Variants in SLC35E3 observed in about 807,000 individuals in gnomAD.
The protein encoded by SLC35E3 is solute carrier family 35 member E3.
SLC35E3 carries 28 observed loss-of-function variants against 30.8 expected under a neutral mutation model. The ratio of observed to expected loss-of-function variants is 0.91; its 90% CI spans 0.67 to 1.25. The LOEUF (loss-of-function observed/expected upper bound fraction) is 1.25, where lower values mean the gene tolerates loss of function less well. SLC35E3 is among the 50% of genes most tolerant of loss of function. The pLI, the probability that SLC35E3 is intolerant of heterozygous loss-of-function variation, is 0.00. For synonymous variants in SLC35E3, 146 were observed against 149.2 expected, an observed-to-expected ratio of 0.98 and a Z score of 0.16; for missense variants, 365 against 375.4, an observed-to-expected ratio of 0.97 and a Z score of 0.23.
chr12:68,764,685 C>G lies in SLC35E3; in HGVS notation c.756-19C>G. 7 of 1,608,870 alleles carry G rather than the reference C, an allele frequency of 4.4e-6. No individual in the cohort carries two copies. The highest frequency in any genetic ancestry group is 5.9e-6 in the Non-Finnish European group (7 of 1,176,672). On this transcript the variant is annotated intron_variant, in intron 4 of 4. Coordinates refer to ENST00000398004, the MANE Select transcript of SLC35E3 (RefSeq NM_018656.5). ...CATCTATCTTGTTATTCCTTTTTAT[C>G]CTTATCCAAAAACCTCAGCTATAAC...
intron 2 of SLC35E3, among the ~76,000 whole-genome samples, chr12:68,748,893 T>A (rs546359247): frequency 6.6e-6 from 1 of 152,220 alleles, no homozygotes. Flanking sequence ...AGTTCAGTAA[T>A]AGAGCCCTGG....
chr12:68,759,620 C>T (rs1310343645), intron 4 of SLC35E3, among the ~76,000 whole-genome samples: 1 of 151,846 alleles, frequency 6.6e-6, no homozygotes, highest in East Asian at 1.9e-4. Context: ...ACAAGAATTG[C>T]TTGAACTGGG....
In SLC35E3 at chr12:68,772,651, G is replaced by A. The variant is rs949067798; in HGVS notation, c.*7761G>A. On this transcript the variant is annotated 3_prime_UTR_variant, in exon 5 of 5. Coordinates refer to ENST00000398004, the MANE Select transcript of SLC35E3 (RefSeq NM_018656.5). ...TTTTCCATTTAACTAAAAATGTCTCGTAACTACTATGCCACAAGAACAAGC... is the reference window on the plus strand; with the variant it reads ...TTTTCCATTTAACTAAAAATGTCTCATAACTACTATGCCACAAGAACAAGC... 6.6e-6 allele frequency: 1 copy of A among 152,058 alleles called. No homozygotes were observed. The highest frequency in any genetic ancestry group is 2.4e-5 in the African/African-American group (1 of 41,402). 9.4% of individuals were successfully genotyped at this position (152,058 alleles called of 1,614,324 possible).
At chr12:68,750,276 G>A (rs1276904706) in intron 2 of SLC35E3, among the ~76,000 whole-genome samples, 1 of 152,220 alleles carries the variant, frequency 6.6e-6, no homozygotes, top group Non-Finnish European at 1.5e-5. Flanking sequence ...GATTATATAA[G>A]TAGAGATGGC....
At chr12:68,752,277 T>C in intron 3 of SLC35E3, 87 bp downstream of exon 3, 3 of 1,211,072 alleles carry the variant, frequency 2.5e-6, no homozygotes, top group Non-Finnish European at 3.5e-6. Context: ...CAGAGCACTA[T>C]GTCCGATCCA....
intron 1 of SLC35E3, among the ~76,000 whole-genome samples, chr12:68,747,245 T>C (rs890459426): frequency 4.0e-5 from 6 of 151,818 alleles, no homozygotes; most frequent in Non-Finnish European, 5.9e-5. Context: ...TAGCACTTAG[T>C]AACTTATTTA....
chr12:68,772,500 A>G lies in SLC35E3; in HGVS notation c.*7610A>G, dbSNP rs1008768022. The G allele has an allele frequency of 2.6e-5, 4 of 152,190 alleles. No homozygotes were observed. Among genetic ancestry groups the G allele is most frequent in the Non-Finnish European group, 5.9e-5 (4 of 68,038 alleles). The allele number at this position is 152,190 out of a possible 1,614,324, so 9.4% of individuals were successfully genotyped here. A position where few individuals can be genotyped will look rare whatever the true frequency, so the allele number is the denominator to read the frequency against. ...GTATCGAAGTTACTTTATACTTCAT[A>G]TGAAGTCATTAGGAGGTGAATTATT... On this transcript the variant is annotated 3_prime_UTR_variant, in exon 5 of 5. Transcript: ENST00000398004.
Position 68,780,335 on chromosome 12 carries a change from AT to A in SLC35E3, c.*15452del. 6.6e-6 allele frequency: 1 copy of A among 151,614 alleles called. No homozygotes were observed. Among genetic ancestry groups the A allele is most frequent in the Non-Finnish European group, 1.5e-5 (1 of 67,922 alleles). The allele number at this position is 151,614 out of a possible 1,614,324, so 9.4% of individuals were successfully genotyped here. On this transcript the variant is annotated 3_prime_UTR_variant, in exon 5 of 5. Coordinates refer to ENST00000398004, the MANE Select transcript of SLC35E3 (RefSeq NM_018656.5). Reference sequence around the variant, plus strand: ...AGGCATGCACCACCACACCTGGCTAATTTTTTTATATTTTGTTTGTAGAGAT... The same window carrying A: ...AGGCATGCACCACCACACCTGGCTAATTTTTTATATTTTGTTTGTAGAGAT...
rs1436733117 is a variant in SLC35E3 at position 68,767,803 on chromosome 12, A to G, written c.*2913A>G. ...GGTTCTTCTCATTTTACAAAGATATATATTTTTTGTGCTAAGGACAGAGCA... is the reference window on the plus strand; with the variant it reads ...GGTTCTTCTCATTTTACAAAGATATGTATTTTTTGTGCTAAGGACAGAGCA... On this transcript the variant is annotated 3_prime_UTR_variant, in exon 5 of 5. Transcript: ENST00000398004. 3 of 152,216 alleles carry G rather than the reference A, an allele frequency of 2.0e-5. 1 individual carries two copies. The highest frequency in any genetic ancestry group is 7.2e-5 in the African/African-American group (3 of 41,466). The allele number at this position is 152,216 out of a possible 1,614,324, so 9.4% of individuals were successfully genotyped here. A position where few individuals can be genotyped will look rare whatever the true frequency, so the allele number is the denominator to read the frequency against.
intron 4 of SLC35E3, among the ~76,000 whole-genome samples, chr12:68,761,731 G>A (rs1879238351): frequency 6.6e-6 from 1 of 152,212 alleles, no homozygotes; most frequent in Non-Finnish European, 1.5e-5. Flanking sequence ...GTGGCTACCA[G>A]TATGATAGCA....
rs1441386513 is a variant in SLC35E3, at chr12:68,779,881, G to C, written c.*14991G>C. ...GAGCCCAGGAGTTTGAGGTTATAGT[G>C]AGCCATGACTGTGCCACTGCACTCC... is the stretch of plus-strand genomic sequence containing the variant. On this transcript the variant is annotated 3_prime_UTR_variant, in exon 5 of 5. Transcript: ENST00000398004. 1 of 152,106 alleles carries C rather than the reference G, an allele frequency of 6.6e-6. No individual in the cohort carries two copies. The highest frequency in any genetic ancestry group is 1.5e-5 in the Non-Finnish European group (1 of 68,060). 9.4% of individuals were successfully genotyped at this position (152,106 alleles called of 1,614,324 possible).
chr12:68,746,909 G>C, intron 1 of SLC35E3, 130 bp downstream of exon 1: 1 of 1,019,900 alleles, frequency 9.8e-7, no homozygotes, highest in Non-Finnish European at 1.4e-6. Context: ...GTGGGCATGT[G>C]AACTTTTAGG....
At chr12:68,760,601 A>G (rs34576222) in intron 4 of SLC35E3, among the ~76,000 whole-genome samples, 2,810 of 152,266 alleles carry the variant, frequency 0.018, 47 homozygotes, top group South Asian at 0.04. Context: ...CTAGTCCCCA[A>G]ATTTGTACAT....
rs71091559 is a variant in SLC35E3 at position 68,775,948 on chromosome 12, CAAAAAAAAAAAAAAAAAA to C, written c.*11072_*11089del. 1.6e-4 allele frequency: 2 copies of C among 12,528 alleles called. No individual in the cohort carries two copies. The highest frequency in any genetic ancestry group is 3.1e-4 in the African/African-American group (1 of 3,192). 0.8% of individuals were successfully genotyped at this position (12,528 alleles called of 1,614,324 possible). ...GGGTGACAAGAGCGAAACTCTGTCT[CAAAAAAAAAAAAAAAAAA>C]AAAAAAAAAAAAAGGCCAGACTTGG... is the stretch of plus-strand genomic sequence containing the variant. On this transcript the variant is annotated 3_prime_UTR_variant, in exon 5 of 5. Transcript: ENST00000398004.
At chr12:68,759,927 A>ACC in intron 4 of SLC35E3, 1 of 152,382 alleles carries the variant, frequency 6.6e-6, no homozygotes. Context: ...AAAGTAGAGG[A>ACC]ATGGTTAACA....
At position 68,768,620 on chromosome 12, in the gene SLC35E3, G is replaced by A. The variant is rs931856250; in HGVS notation, c.*3730G>A. 2.6e-5 allele frequency: 4 copies of A among 152,168 alleles called. No homozygotes were observed. Among genetic ancestry groups the A allele is most frequent in the African/African-American group, 9.7e-5 (4 of 41,432 alleles). 9.4% of individuals were successfully genotyped at this position (152,168 alleles called of 1,614,324 possible). On this transcript the variant is annotated 3_prime_UTR_variant, in exon 5 of 5. Transcript: ENST00000398004. ...TGTAATTGTAATTATTGTTTATTCT[G>A]TGTTAAGTGACTGAATTTCAATTTT...
At chr12:68,764,652 A>G in intron 4 of SLC35E3, 52 bp from the exon 5 acceptor site, 1 of 1,562,464 alleles carries the variant, frequency 6.4e-7, no homozygotes, top group Non-Finnish European at 8.7e-7. Context: ...TGTGTGTGTA[A>G]ATATTAACAT....
Position 68,767,124 on chromosome 12 carries a change from A to G in SLC35E3, c.*2234A>G, listed in dbSNP as rs1319614538. On this transcript the variant is annotated 3_prime_UTR_variant, in exon 5 of 5. Coordinates refer to ENST00000398004, the MANE Select transcript of SLC35E3 (RefSeq NM_018656.5). ...AAAATTGGGATATTAGAGGAAATACATGATTTCCATTTATGGAGTGCTACA... is the reference window on the plus strand; with the variant it reads ...AAAATTGGGATATTAGAGGAAATACGTGATTTCCATTTATGGAGTGCTACA... 4 of 153,762 alleles carry G rather than the reference A, an allele frequency of 2.6e-5. No homozygotes were observed. Among genetic ancestry groups the G allele is most frequent in the African/African-American group, 7.2e-5 (3 of 41,482 alleles). 9.5% of individuals were successfully genotyped at this position (153,762 alleles called of 1,614,324 possible).
chr12:68,750,004 AAGGC>A (rs1878732420), intron 2 of SLC35E3, among the ~76,000 whole-genome samples: 1 of 152,128 alleles, frequency 6.6e-6, no homozygotes, highest in Admixed American at 6.6e-5. Flanking sequence ...GGAAGGGTAA[AAGGC>A]AGAGCAGTCA....
Sources: allele counts gnomAD v4.1 joint callset (sites outside exome capture counted in the v4.1 genomes callset), GRCh38; gene constraint gnomAD v4.1.1; transcripts MANE v1.5; gene names NCBI Gene and HGNC (gene_info 2026-07-23, HGNC 2026-07-21).